The following FANCM variants were observed in gnomAD, a reference collection of about 807,000 sequenced individuals.
FANCM encodes Fanconi anemia group M protein.
Under a neutral mutation model 199.5 loss-of-function variants are expected in FANCM, and 140 were observed. The ratio of observed to expected loss-of-function variants is 0.70; its 90% CI spans 0.61 to 0.81. The LOEUF (loss-of-function observed/expected upper bound fraction) is 0.81. Among genes scored for constraint, FANCM ranks in the 30% least tolerant of loss-of-function variants. The probability of loss-of-function intolerance (pLI) is 0.00; values close to 1 mark genes in which losing one functional copy is unlikely to be tolerated. For synonymous variants in FANCM, 840 were observed against 836.8 expected (o/e 1.00, Z -0.07); for missense variants, 2,410 against 2,421.4 (o/e 1.00, Z 0.10).
At chr14:45,164,777 T>TAA (rs1245299665) in intron 10 of FANCM, among the ~76,000 whole-genome samples, 1 of 152,186 alleles carries the variant, frequency 6.6e-6, no homozygotes, top group Non-Finnish European at 1.5e-5. Context: ...AGAAACACAT[T>TAA]TTTAATACTT....
At position 45,175,458 on chromosome 14, in the gene FANCM, G is replaced by C. The variant is rs2139243292; in HGVS notation, c.2704G>C (p.Asp902His). The C allele has an allele frequency of 6.2e-7, 1 of 1,607,044 alleles. No individual in the cohort carries two copies. The highest frequency in any genetic ancestry group is 8.5e-7 in the Non-Finnish European group (1 of 1,176,784). ...EDLPNDKRTS[D>H]TDEIAATCTI... ...CCTACCAAATGATAAAAGGACATCA[G>C]ATACAGATGAAATTGCTGCCACATG... The change falls in exon 14 of 23, where the codon GAT (aspartate) becomes CAT (histidine). Residue 902 changes from aspartate to histidine, a missense_variant. Transcript: ENST00000267430.
At chr14:45,159,957 T>A (rs956549110) in intron 9 of FANCM, among the ~76,000 whole-genome samples, 5 of 151,930 alleles carry the variant, frequency 3.3e-5, no homozygotes, top group Admixed American at 3.3e-4. Flanking sequence ...TTTTGACAGA[T>A]CCTTTTTTGA....
At position 45,164,422 on chromosome 14, in the gene FANCM, G is replaced by A. The variant is rs1483791580; in HGVS notation, c.1645G>A (p.Gly549Ser). The A allele has an allele frequency of 6.2e-7, 1 of 1,613,600 alleles. No individual in the cohort carries two copies. Among genetic ancestry groups the A allele is most frequent in the East Asian group, 2.2e-5 (1 of 44,888 alleles). ...TLVSTCVGEEGLDIGEVDLII... is the reference protein window; with the variant it reads ...TLVSTCVGEESLDIGEVDLII... ...GGTTTCTACCTGTGTGGGTGAAGAA[G>A]GTTTGGATATAGGAGAAGTTGATCT... The change falls in exon 10 of 23, where the codon GGT (glycine) becomes AGT (serine). Residue 549 changes from glycine (G) to serine (S), a missense_variant. Transcript: ENST00000267430.
intron 2 of FANCM, chr14:45,137,500 A>C: frequency 2.2e-6 from 1 of 456,182 alleles, no homozygotes; most frequent in Non-Finnish European, 4.0e-6. Context: ...AATTAGTGTC[A>C]GATGTAGATC....
At chr14:45,167,272 A>T in intron 11 of FANCM, 109 bp downstream of exon 11, 1 of 728,046 alleles carries the variant, frequency 1.4e-6, no homozygotes, top group South Asian at 1.5e-5. Context: ...TGTTCTAATT[A>T]ATATATTATA....
Position 45,154,713 on chromosome 14 carries a change from A to G in FANCM, c.1200A>G (p.Lys400=), listed in dbSNP as rs905295349. ...TTTCTGAAGGGATGACACGGTCAAAAAATGAACTTGGCCGAAATGAAGACT... is the reference window on the plus strand; with the variant it reads ...TTTCTGAAGGGATGACACGGTCAAAGAATGAACTTGGCCGAAATGAAGACT... ...MDGTKGMTRS[K]NELGRNEDFM... The change falls in exon 7 of 23, where the codon AAA becomes AAG. Residue 400 remains lysine, a synonymous_variant. Coordinates refer to ENST00000267430, the MANE Select transcript of FANCM (RefSeq NM_020937.4). The G allele has an allele frequency of 2.5e-6, 4 of 1,600,542 alleles. No individual in the cohort carries two copies.
At chr14:45,182,355 C>G (rs1223659037) in intron 16 of FANCM, among the ~76,000 whole-genome samples, 1 of 152,116 alleles carries the variant, frequency 6.6e-6, no homozygotes, top group African/African-American at 2.4e-5. Flanking sequence ...GGAGAAAAAT[C>G]AAGGTCAAGG....
At chr14:45,138,424 TCTTC>T (rs1336393026) in intron 2 of FANCM, among the ~76,000 whole-genome samples, 5 of 152,170 alleles carry the variant, frequency 3.3e-5, no homozygotes, top group African/African-American at 1.2e-4. Flanking sequence ...TAATAATTGA[TCTTC>T]CTAATTATAT....
At chr14:45,186,730 A>T (rs940339298) in intron 18 of FANCM, among the ~76,000 whole-genome samples, 1 of 152,232 alleles carries the variant, frequency 6.6e-6, no homozygotes, top group African/African-American at 2.4e-5. Flanking sequence ...GACAACAGCC[A>T]GTGCAAAGGC....
At chr14:45,171,336 A>T (rs1005607622) in intron 12 of FANCM, among the ~76,000 whole-genome samples, 11 of 150,958 alleles carry the variant, frequency 7.3e-5, no homozygotes, top group South Asian at 4.2e-4. Flanking sequence ...TTTTTTTTTT[A>T]AATTTCAATA....
chr14:45,152,548 A>G lies in FANCM; in HGVS notation c.1050+1020A>G, dbSNP rs1886900723. On this transcript the variant is annotated intron_variant, in intron 5 of 22. Transcript: ENST00000267430. ...TGGATAAAAAAATATCTATCAAACT[A>G]GGTCCAAAGTCAGAGAAGACACTCA... 3.3e-5 allele frequency among the ~76,000 whole-genome samples: 5 copies of G among 152,232 alleles called. No individual in the cohort carries two copies. The South Asian group carries it at 1.0e-3, about 32-fold the overall frequency.
intron 20 of FANCM, among the ~76,000 whole-genome samples, chr14:45,193,025 C>T (rs1013888996): frequency 6.6e-6 from 1 of 152,130 alleles, no homozygotes; most frequent in Non-Finnish European, 1.5e-5. Context: ...TTTCCTAGTA[C>T]AGTCCTTGGG....
At chr14:45,161,380 G>GC in intron 9 of FANCM, among the ~76,000 whole-genome samples, 1 of 152,240 alleles carries the variant, frequency 6.6e-6, no homozygotes, top group East Asian at 1.9e-4. Context: ...ATCCTTTAGG[G>GC]CCCTATATGT....
intron 3 of FANCM, among the ~76,000 whole-genome samples, chr14:45,143,660 G>C (rs1313313623): frequency 3.3e-5 from 5 of 150,778 alleles, no homozygotes; most frequent in Non-Finnish European, 7.4e-5. Context: ...GATTTTAGTA[G>C]CTCTGAACGG....
Position 45,188,956 on chromosome 14 carries a change from G to T in FANCM, c.4934G>T (p.Arg1645Leu). 1 of 1,613,968 alleles carries T rather than the reference G, an allele frequency of 6.2e-7. No homozygotes were observed. The highest frequency in any genetic ancestry group is 1.1e-5 in the South Asian group (1 of 91,054). ...AATAGTAAAAAGTATAAAACTCGACGTGCAGTAATGCTAAAAGAAATGATG... is the reference window on the plus strand; with the variant it reads ...AATAGTAAAAAGTATAAAACTCGACTTGCAGTAATGCTAAAAGAAATGATG... ...FANSKKYKTRRAVMLKEMMEQ... is the reference protein window; with the variant it reads ...FANSKKYKTRLAVMLKEMMEQ... Residue 1645 changes from arginine (R) to leucine (L), a missense_variant, in exon 20 of 23, where the codon CGT becomes CTT. By Grantham distance (102) the Arg-to-Leu change is moderately radical (BLOSUM62 -2). Transcript: ENST00000267430.
chr14:45,170,876 C>G (rs979687458), intron 12 of FANCM, 130 bp downstream of exon 12: 2 of 799,070 alleles, frequency 2.5e-6, no homozygotes, highest in Non-Finnish European at 4.3e-6. Context: ...GGAATGTCAA[C>G]TTACTTTAAG....
intron 9 of FANCM, among the ~76,000 whole-genome samples, chr14:45,159,993 T>G (rs1887470891): frequency 2.1e-5 from 3 of 143,914 alleles, no homozygotes; most frequent in South Asian, 2.2e-4. Context: ...TAGATGAGGT[T>G]TTTTTTTTGT....
At chr14:45,161,368 A>G (rs1056333134) in intron 9 of FANCM, among the ~76,000 whole-genome samples, 2 of 152,336 alleles carry the variant, frequency 1.3e-5, no homozygotes, top group Non-Finnish European at 2.9e-5. Context: ...TGGGGGGGCC[A>G]GATCCTTTAG....
In FANCM at chr14:45,196,552, G is replaced by A. The variant is rs370766455; in HGVS notation, c.5716+5G>A. ...AAAAGGACAGAGAAAAAACAGGTTTGTATTTTTAAATATCTTTGTTTATAA... is the reference window on the plus strand; with the variant it reads ...AAAAGGACAGAGAAAAAACAGGTTTATATTTTTAAATATCTTTGTTTATAA... On this transcript the variant is annotated splice_donor_5th_base_variant and intron_variant, in intron 21 of 22. Transcript: ENST00000267430. 6.2e-7 allele frequency: 1 copy of A among 1,612,082 alleles called. No individual in the cohort carries two copies. The highest frequency in any genetic ancestry group is 2.2e-5 in the East Asian group (1 of 44,866).
Sources: gnomAD v4.1 joint callset for allele counts (sites outside exome capture counted in the v4.1 genomes callset) on GRCh38, gnomAD v4.1.1 for gene constraint, MANE v1.5 for transcripts, NCBI Gene and HGNC (gene_info 2026-07-23, HGNC 2026-07-21) for gene names.